The following DGKG variants were observed in gnomAD, a reference collection of about 807,000 sequenced individuals.
DGKG encodes the protein diacylglycerol kinase gamma.
A neutral mutation model predicts 105.3 loss-of-function variants in DGKG; 78 were observed. The observed-to-expected ratio is 0.74, with a 90% CI of 0.62 to 0.89. DGKG has a LOEUF of 0.89. DGKG is among the 40% of genes least tolerant of loss of function. DGKG has a pLI of 0.00. For missense variants in DGKG, 958 were observed against 1,020.1 expected (o/e 0.94, Z 0.83); for synonymous variants, 346 against 367.1 (o/e 0.94, Z 0.66).
At chr3:186,343,386 G>T (rs1221429588) in intron 1 of DGKG, among the ~76,000 whole-genome samples, 2 of 152,172 alleles carry the variant, frequency 1.3e-5, no homozygotes, top group African/African-American at 4.8e-5. Context: ...TGCCTCACGG[G>T]GTGAAGTGAT....
chr3:186,335,199 G>A (rs1725773860), intron 1 of DGKG, among the ~76,000 whole-genome samples: 1 of 152,028 alleles, frequency 6.6e-6, no homozygotes, highest in South Asian at 2.1e-4. Context: ...AGCCTCCCAA[G>A]TAACTGGGAC....
intron 22 of DGKG, among the ~76,000 whole-genome samples, chr3:186,177,650 C>A (rs941900368): frequency 6.6e-6 from 1 of 152,166 alleles, no homozygotes; most frequent in African/African-American, 2.4e-5. Context: ...CTTGTCTCCT[C>A]CTCTGCAGAC....
At chr3:186,338,532 A>G (rs893502431) in intron 1 of DGKG, among the ~76,000 whole-genome samples, 1 of 152,214 alleles carries the variant, frequency 6.6e-6, no homozygotes, top group African/African-American at 2.4e-5. Flanking sequence ...GTAGTGGTAC[A>G]AATATTCTTA....
At chr3:186,331,437 A>T (rs948104002) in intron 1 of DGKG, among the ~76,000 whole-genome samples, 5 of 152,236 alleles carry the variant, frequency 3.3e-5, no homozygotes, top group African/African-American at 1.2e-4. Flanking sequence ...TATTACTGGC[A>T]TGTAGTCCTT....
chr3:186,219,902 AAG>A (rs1230775865), intron 20 of DGKG, among the ~76,000 whole-genome samples: 1 of 152,186 alleles, frequency 6.6e-6, no homozygotes, highest in African/African-American at 2.4e-5. Flanking sequence ...GTTTGCAACT[AAG>A]AGGTCTTCAG....
At position 186,149,795 on chromosome 3, in the gene DGKG, A is replaced by G. The variant is rs1560071567; in HGVS notation, c.*295T>C. 17 of 1,120,276 alleles carry G rather than the reference A, an allele frequency of 1.5e-5. No homozygotes were observed. The highest frequency in any genetic ancestry group is 1.9e-5 in the Non-Finnish European group (17 of 915,104). The allele number at this position is 1,120,276 out of a possible 1,614,324, so 69.4% of individuals were successfully genotyped here. ...CCTTCAGTCTCAGAAAATTCTGCTC[A>G]AGGCCTGTGGGAATGTGGAGGTTGC... On this transcript the variant is annotated 3_prime_UTR_variant, in exon 25 of 25. Transcript: ENST00000265022.
At chr3:186,283,070 G>T (rs138871363) in intron 7 of DGKG, among the ~76,000 whole-genome samples, 1 of 151,494 alleles carries the variant, frequency 6.6e-6, no homozygotes, top group South Asian at 2.1e-4. Context: ...CAACATGCCC[G>T]GCTAATTTTT....
chr3:186,304,871 A>C (rs1724148896), intron 3 of DGKG, among the ~76,000 whole-genome samples: 1 of 152,216 alleles, frequency 6.6e-6, no homozygotes, highest in Non-Finnish European at 1.5e-5. Context: ...TTCCAGGGTC[A>C]TGGCTTTCAA....
At chr3:186,211,678 C>T (rs7619111) in intron 21 of DGKG, 117 bp downstream of exon 21, 144,248 of 738,392 alleles carry the variant, frequency 0.2, 15,556 homozygotes, top group African/African-American at 0.27. Flanking sequence ...GGAGAAACAA[C>T]AGAGACTACG....
intron 20 of DGKG, among the ~76,000 whole-genome samples, chr3:186,241,318 CGAG>C (rs1235960632): frequency 6.8e-6 from 1 of 147,654 alleles, no homozygotes; most frequent in East Asian, 2.0e-4. Flanking sequence ...TTTGGGAGGC[CGAG>C]GAGGACGGGT....
chr3:186,186,096 CAAAAAAAAAAA>C (rs3049465), intron 22 of DGKG, among the ~76,000 whole-genome samples: 4 of 75,272 alleles, frequency 5.3e-5, no homozygotes, highest in African/African-American at 2.2e-4. Context: ...GACTCTGCCT[CAAAAAAAAAAA>C]AAAAAAAAAA....
Position 186,269,862 on chromosome 3 carries a change from T to C in DGKG, c.1000-945A>G, listed in dbSNP as rs910707482. On this transcript the variant is annotated intron_variant, in intron 11 of 24. Transcript: ENST00000265022. ...GGTGGGAATAGTGGGATTGTTTTTG[T>C]ATGTGTGTGTCAGTGCGGCTAAAGC... 7.0e-4 allele frequency among the ~76,000 whole-genome samples: 107 copies of C among 152,112 alleles called. 1 individual carries two copies. The highest frequency in any genetic ancestry group is 1.3e-3 in the Non-Finnish European group (88 of 68,020).
intron 17 of DGKG, 176 bp downstream of exon 17, chr3:186,257,678 T>G: frequency 1.8e-6 from 1 of 560,282 alleles, no homozygotes; most frequent in Non-Finnish European, 3.1e-6. Context: ...GATTGTCTTA[T>G]TTCTTTTTTT....
At position 186,249,832 on chromosome 3, in the gene DGKG, A is replaced by AAAAACAAAACAAAAC. The variant is rs10693756; in HGVS notation, c.1761+1912_1761+1926dup. 5.5e-3 allele frequency among the ~76,000 whole-genome samples: 833 copies of AAAAACAAAACAAAAC among 151,874 alleles called. 3 individuals carry two copies. Among genetic ancestry groups the AAAAACAAAACAAAAC allele is most frequent in the African/African-American group, 0.018 (761 of 41,208 alleles). On this transcript the variant is annotated intron_variant, in intron 19 of 24. Coordinates refer to ENST00000265022, the MANE Select transcript of DGKG (RefSeq NM_001346.3). ...TAAGTGACAGAGTGAGACTCGTCTCAAAAACAAAACAAAACAAAACAAAAC... is the reference window on the plus strand; with the variant it reads ...TAAGTGACAGAGTGAGACTCGTCTCAAAAACAAAACAAAACAAAACAAAACAAAACAAAACAAAAC...
rs145193588 is a variant in DGKG, at chr3:186,227,608, G to A, written c.1826+14896C>T. 1.5e-3 allele frequency among the ~76,000 whole-genome samples: 225 copies of A among 152,268 alleles called. 1 individual carries two copies. Among genetic ancestry groups the A allele is most frequent in the African/African-American group, 5.1e-3 (214 of 41,558 alleles). On this transcript the variant is annotated intron_variant, in intron 20 of 24. Coordinates refer to ENST00000265022, the MANE Select transcript of DGKG (RefSeq NM_001346.3). ...TTATTTCACAGAAGAGAGTTACTGC[G>A]TTTCCTGATAAGTACAGTGAAAGCT...
intron 11 of DGKG, among the ~76,000 whole-genome samples, chr3:186,270,856 G>T (rs1364714670): frequency 6.6e-6 from 1 of 152,204 alleles, no homozygotes; most frequent in Non-Finnish European, 1.5e-5. Context: ...TGAGAAGTTT[G>T]TGAGTGTGCC....
intron 5 of DGKG, among the ~76,000 whole-genome samples, chr3:186,289,483 T>G (rs1723220801): frequency 6.6e-6 from 1 of 152,194 alleles, no homozygotes; most frequent in Non-Finnish European, 1.5e-5. Flanking sequence ...CCTTTAAAAT[T>G]TCTCCTTTCT....
chr3:186,164,720 A>C (rs1477238959), intron 23 of DGKG, among the ~76,000 whole-genome samples, 178 bp downstream of exon 23: 1 of 152,222 alleles, frequency 6.6e-6, no homozygotes. Context: ...GATGTTTTAG[A>C]TGGGCGCATT....
At chr3:186,334,964 C>T (rs1255504703) in intron 1 of DGKG, among the ~76,000 whole-genome samples, 1 of 152,152 alleles carries the variant, frequency 6.6e-6, no homozygotes, top group East Asian at 1.9e-4. Context: ...TCACAGGGCA[C>T]TCATAAACCC....
Sources: allele counts gnomAD v4.1 joint callset (sites outside exome capture counted in the v4.1 genomes callset), GRCh38; gene constraint gnomAD v4.1.1; transcripts MANE v1.5; gene names NCBI Gene and HGNC (gene_info 2026-07-23, HGNC 2026-07-21).